KLHL2: variants seen among roughly 807,000 people sequenced by gnomAD.
KLHL2 encodes the protein kelch like family member 2.
Under a neutral mutation model 75.8 loss-of-function variants are expected in KLHL2, and 15 were observed. That is an observed-to-expected ratio of 0.20 (90% CI 0.13 to 0.30). KLHL2 has a LOEUF of 0.30. Among genes scored for constraint, KLHL2 ranks in the 10% least tolerant of loss-of-function variants. The pLI, the probability that KLHL2 is intolerant of heterozygous loss-of-function variation, is 1.00. For missense variants in KLHL2, 381 were observed against 741.0 expected (o/e 0.51, Z 5.64); for synonymous variants, 214 against 251.9 (o/e 0.85, Z 1.42).
At chr4:165,282,919 G>A (rs968295651) in intron 5 of KLHL2, among the ~76,000 whole-genome samples, 5 of 151,910 alleles carry the variant, frequency 3.3e-5, no homozygotes, top group African/African-American at 1.2e-4. Flanking sequence ...GTTCCACATG[G>A]CTGGGGAGAC....
intron 13 of KLHL2, among the ~76,000 whole-genome samples, chr4:165,315,710 C>T (rs1746543740): frequency 6.6e-6 from 1 of 152,094 alleles, no homozygotes; most frequent in Non-Finnish European, 1.5e-5. Context: ...AAGATCTGTT[C>T]AGCTCTTCCT....
chr4:165,236,933 A>G (rs536367229), intron 3 of KLHL2, among the ~76,000 whole-genome samples: 1 of 150,830 alleles, frequency 6.6e-6, no homozygotes, highest in Admixed American at 6.6e-5. Context: ...CAGAGAACTA[A>G]TTATTTTTCA....
chr4:165,239,111 C>T (rs1739596335), intron 4 of KLHL2, among the ~76,000 whole-genome samples: 1 of 152,024 alleles, frequency 6.6e-6, no homozygotes, highest in African/African-American at 2.4e-5. Flanking sequence ...GATACAAATC[C>T]TTTAGTTCTC....
chr4:165,226,960 T>C (rs1440248675), intron 2 of KLHL2, among the ~76,000 whole-genome samples: 7 of 152,138 alleles, frequency 4.6e-5, no homozygotes. Context: ...GGGCACTAAA[T>C]GAAATAATAC....
intron 13 of KLHL2, among the ~76,000 whole-genome samples, chr4:165,316,317 A>T (rs563416454): frequency 6.6e-6 from 1 of 152,138 alleles, no homozygotes; most frequent in South Asian, 2.1e-4. Context: ...CATTTTTGAG[A>T]TCATTTTTTC....
Position 165,269,133 on chromosome 4 carries a change from C to G in KLHL2, c.544+5774C>G, listed in dbSNP as rs369914317. Among the ~76,000 whole-genome samples, 21 of 152,022 alleles carry G rather than the reference C, an allele frequency of 1.4e-4. No homozygotes were observed. In the East Asian group the frequency reaches 2.7e-3, roughly 20 times the overall value. On this transcript the variant is annotated intron_variant, in intron 5 of 14. Coordinates refer to ENST00000226725, the MANE Select transcript of KLHL2 (RefSeq NM_007246.4). The stretch of plus-strand genomic sequence containing the variant: ...GTTTTATCAGAGACTAGATTGCAAC[C>G]CCTGCTTTTTTTTTGTTTTCCATTT...
chr4:165,278,289 CG>C, intron 5 of KLHL2: 1 of 1,066,040 alleles, frequency 9.4e-7, no homozygotes, highest in Non-Finnish European at 1.5e-6. Flanking sequence ...GCAGTGGTTT[CG>C]GGCATCAAGG....
intron 2 of KLHL2, among the ~76,000 whole-genome samples, chr4:165,222,732 C>G (rs186460236): frequency 1.6e-3 from 238 of 152,220 alleles, no homozygotes; most frequent in African/African-American, 5.4e-3. Flanking sequence ...AGCTGAAAAT[C>G]ATTAATTATT....
In KLHL2 at chr4:165,307,565, A is replaced by G. The variant is rs563665082; in HGVS notation, c.1039+1840A>G. Among the ~76,000 whole-genome samples the G allele has an allele frequency of 4.6e-5, 7 of 152,212 alleles. No individual in the cohort carries two copies. In the South Asian group the frequency reaches 1.2e-3, roughly 27 times the overall value. The stretch of plus-strand genomic sequence containing the variant: ...ATCCTGCTTTGCATTTAGTTGTCAT[A>G]TCTTCTTATCTGAGATAGTCCCAGA... On this transcript the variant is annotated intron_variant, in intron 9 of 14. Coordinates refer to ENST00000226725, the MANE Select transcript of KLHL2 (RefSeq NM_007246.4).
At chr4:165,266,781 T>C (rs2111259272) in intron 5 of KLHL2, among the ~76,000 whole-genome samples, 2 of 152,338 alleles carry the variant, frequency 1.3e-5, no homozygotes, top group South Asian at 4.1e-4. Flanking sequence ...TCTTTTTGCT[T>C]AAGATTGTCT....
intron 5 of KLHL2, among the ~76,000 whole-genome samples, chr4:165,276,387 T>G (rs1743102070): frequency 6.6e-6 from 1 of 152,194 alleles, no homozygotes; most frequent in Admixed American, 6.5e-5. Context: ...TGAAACTTTG[T>G]GTTTCCCCCA....
At chr4:165,313,143 G>A in intron 11 of KLHL2, 95 bp from the exon 12 acceptor site, 1 of 1,288,862 alleles carries the variant, frequency 7.8e-7, no homozygotes, top group Non-Finnish European at 1.1e-6. Context: ...CTGCCATGAA[G>A]GAAAATATAT....
chr4:165,277,984 T>C, intron 5 of KLHL2: 1 of 1,284,872 alleles, frequency 7.8e-7, no homozygotes, highest in Non-Finnish European at 1.1e-6. Context: ...TTGGTAGGTT[T>C]TATGGAATAC....
rs982773173 is a variant in KLHL2 at position 165,251,929 on chromosome 4, T to A, written c.382-11268T>A. On this transcript the variant is annotated intron_variant, in intron 4 of 14. Transcript: ENST00000226725. ...CGGCCCCAAAGTGGTTTTTAAAAAATTTATTGTTCGGAGCAAGGCTAGGTA... is the reference window on the plus strand; with the variant it reads ...CGGCCCCAAAGTGGTTTTTAAAAAAATTATTGTTCGGAGCAAGGCTAGGTA... Among the ~76,000 whole-genome samples the A allele has an allele frequency of 2.6e-5, 4 of 152,128 alleles. No individual in the cohort carries two copies. The South Asian group carries it at 6.2e-4, about 24-fold the overall frequency.
chr4:165,270,444 C>G (rs1742597865), intron 5 of KLHL2, among the ~76,000 whole-genome samples: 1 of 152,172 alleles, frequency 6.6e-6, no homozygotes, highest in Non-Finnish European at 1.5e-5. Context: ...CTGGTTTCTC[C>G]CCATCTTTGT....
intron 5 of KLHL2, among the ~76,000 whole-genome samples, chr4:165,289,360 A>T (rs1359512758): frequency 6.6e-6 from 1 of 152,114 alleles, no homozygotes; most frequent in African/African-American, 2.4e-5. Context: ...ATACTTAAAA[A>T]TTTTTCTAAG....
chr4:165,271,101 C>T (rs899141598), intron 5 of KLHL2, among the ~76,000 whole-genome samples: 2 of 151,906 alleles, frequency 1.3e-5, no homozygotes, highest in Non-Finnish European at 2.9e-5. Context: ...TAGATTTGTT[C>T]TTTTTGCTTA....
At position 165,228,879 on chromosome 4, in the gene KLHL2, C is replaced by T. The variant is rs1265473546; in HGVS notation, c.225C>T (p.Ala75=). 12 of 1,611,486 alleles carry T rather than the reference C, an allele frequency of 7.4e-6. No individual in the cohort carries two copies. Among genetic ancestry groups the T allele is most frequent in the Middle Eastern group, 1.7e-4 (1 of 6,026 alleles). ...MEISAHRVVL[A]ACSPYFHAMF... is the part of the protein sequence containing the mutation. Reference sequence around the variant, plus strand: ...TTTCTGCTCATAGAGTGGTGCTGGCCGCCTGTAGTCCTTATTTTCATGCCA... The same window carrying T: ...TTTCTGCTCATAGAGTGGTGCTGGCTGCCTGTAGTCCTTATTTTCATGCCA... Residue 75 remains alanine (A), a synonymous_variant, in exon 3 of 15, where the codon GCC becomes GCT. Coordinates refer to ENST00000226725, the MANE Select transcript of KLHL2 (RefSeq NM_007246.4).
At chr4:165,256,252 C>T (rs1741156568) in intron 4 of KLHL2, among the ~76,000 whole-genome samples, 1 of 152,134 alleles carries the variant, frequency 6.6e-6, no homozygotes, top group African/African-American at 2.4e-5. Context: ...AGCATCTCCA[C>T]GGTAAAAAAT....
Sources: gnomAD v4.1 joint callset for allele counts (sites outside exome capture counted in the v4.1 genomes callset) on GRCh38, gnomAD v4.1.1 for gene constraint, MANE v1.5 for transcripts, NCBI Gene and HGNC (gene_info 2026-07-23, HGNC 2026-07-21) for gene names.